Variants in PRKN observed in about 807,000 individuals in gnomAD.
PRKN encodes the protein E3 ubiquitin-protein ligase parkin.
PRKN carries 56 observed loss-of-function variants against 59.5 expected under a neutral mutation model. The observed-to-expected ratio is 0.94, with a 90% CI of 0.76 to 1.18. PRKN has a LOEUF of 1.18. PRKN is among the 50% of genes most tolerant of loss of function. The pLI is 0.00. For missense variants in PRKN, 657 were observed against 596.4 expected (o/e 1.10, Z -1.06); for synonymous variants, 250 against 222.1 (o/e 1.13, Z -1.12).
chr6:161,682,017 C>T (rs190117833), intron 7 of PRKN, among the ~76,000 whole-genome samples: 25 of 152,278 alleles, frequency 1.6e-4, no homozygotes, highest in Middle Eastern at 3.4e-3. Context: ...GAGTCAGGGA[C>T]GAGTGGCTGT....
intron 1 of PRKN, among the ~76,000 whole-genome samples, chr6:162,472,328 A>G (rs1436612780): frequency 6.7e-6 from 1 of 149,694 alleles, no homozygotes; most frequent in Admixed American, 6.7e-5. Flanking sequence ...TACATTAGGT[A>G]TATCTCCTAA....
At chr6:162,002,453 C>T (rs569425034) in intron 5 of PRKN, among the ~76,000 whole-genome samples, 8 of 152,074 alleles carry the variant, frequency 5.3e-5, no homozygotes, top group African/African-American at 1.4e-4. Flanking sequence ...CATAATATTC[C>T]TTTATAAGCC....
intron 5 of PRKN, among the ~76,000 whole-genome samples, chr6:162,023,651 A>G (rs535563142): frequency 2.4e-4 from 37 of 152,072 alleles, no homozygotes; most frequent in Non-Finnish European, 3.1e-4. Context: ...TCTGCCTGCT[A>G]GGGTATCGGG....
intron 4 of PRKN, among the ~76,000 whole-genome samples, chr6:162,155,381 T>G (rs1782467510): frequency 6.6e-6 from 1 of 152,172 alleles, no homozygotes; most frequent in Non-Finnish European, 1.5e-5. Context: ...ACAAGTTTAT[T>G]ACATCAAAAT....
At chr6:161,425,963 C>T (rs1224804034) in intron 9 of PRKN, among the ~76,000 whole-genome samples, 1 of 152,020 alleles carries the variant, frequency 6.6e-6, no homozygotes, top group East Asian at 1.9e-4. Flanking sequence ...TAATACCCAG[C>T]CTCAGTTCCA....
At chr6:162,359,073 A>AT (rs201385403) in intron 2 of PRKN, among the ~76,000 whole-genome samples, 8,853 of 87,876 alleles carry the variant, frequency 0.1, 267 homozygotes, top group African/African-American at 0.12. Context: ...AAAAAAAAAA[A>AT]AAAAAAATAT....
intron 4 of PRKN, among the ~76,000 whole-genome samples, chr6:162,058,885 G>C (rs1176397578): frequency 6.7e-6 from 1 of 149,432 alleles, no homozygotes; most frequent in Non-Finnish European, 1.5e-5. Context: ...CAGGGAGGCA[G>C]AGATTGCAGT....
chr6:161,952,352 T>G (rs554660508), intron 6 of PRKN, among the ~76,000 whole-genome samples: 2 of 152,286 alleles, frequency 1.3e-5, no homozygotes, highest in Admixed American at 1.3e-4. Flanking sequence ...GCGCCGTGGC[T>G]CATGCCTGTA....
rs1168443368 is a variant in PRKN at position 161,471,579 on chromosome 6, A to G, written c.1083+77275T>C. Among the ~76,000 whole-genome samples, 2 of 152,236 alleles carry G rather than the reference A, an allele frequency of 1.3e-5. No homozygotes were observed. Among genetic ancestry groups the G allele is most frequent in the Non-Finnish European group, 2.9e-5 (2 of 68,048 alleles). Reference sequence around the variant, plus strand: ...TAACAACTTGAAAATAGACCTTGACAGAATGATGACCTAATTTCTATATGC... The same window carrying G: ...TAACAACTTGAAAATAGACCTTGACGGAATGATGACCTAATTTCTATATGC... On this transcript the variant is annotated intron_variant, in intron 9 of 11. Transcript: ENST00000366898. The surrounding 1 kb of genome is among the most constrained non-coding windows in gnomAD (Gnocchi z 4.5).
rs1359966939 is a variant in PRKN, at chr6:161,593,297, G to A, written c.872-23881C>T. Among the ~76,000 whole-genome samples the A allele has an allele frequency of 6.6e-6, 1 of 152,204 alleles. No individual in the cohort carries two copies. The highest frequency in any genetic ancestry group is 1.5e-5 in the Non-Finnish European group (1 of 68,046). ...CGGGCTGCTTTGAGTGTGAGGGCAGGGCTATTGATATTTTCATTATCCCCA... is the reference window on the plus strand; with the variant it reads ...CGGGCTGCTTTGAGTGTGAGGGCAGAGCTATTGATATTTTCATTATCCCCA... On this transcript the variant is annotated intron_variant, in intron 7 of 11. Transcript: ENST00000366898. The surrounding 1 kb of genome is among the most constrained non-coding windows in gnomAD (Gnocchi z 4.8).
intron 3 of PRKN, among the ~76,000 whole-genome samples, chr6:162,217,682 A>G (rs1319211647): frequency 6.6e-6 from 1 of 152,116 alleles, no homozygotes; most frequent in African/African-American, 2.4e-5. Flanking sequence ...ATGAGCCACC[A>G]TGCCCAGTTT....
intron 4 of PRKN, among the ~76,000 whole-genome samples, chr6:162,134,896 A>G (rs1583081606): frequency 6.6e-6 from 1 of 152,182 alleles, no homozygotes; most frequent in East Asian, 1.9e-4. Flanking sequence ...TTTTTACACG[A>G]GAAAAAATCC....
intron 6 of PRKN, among the ~76,000 whole-genome samples, chr6:161,966,486 T>G (rs1213133549): frequency 6.6e-6 from 1 of 152,192 alleles, no homozygotes; most frequent in Non-Finnish European, 1.5e-5. Flanking sequence ...TTGGCTTACC[T>G]GTGCCATTTT....
At chr6:162,576,961 T>C (rs1263001721) in intron 1 of PRKN, among the ~76,000 whole-genome samples, 1 of 151,970 alleles carries the variant, frequency 6.6e-6, no homozygotes, top group African/African-American at 2.4e-5. Flanking sequence ...AAATGAAAAA[T>C]GGCAAAAATA....
intron 7 of PRKN, among the ~76,000 whole-genome samples, chr6:161,713,298 C>A (rs772632877): frequency 1.3e-5 from 2 of 152,250 alleles, no homozygotes; most frequent in African/African-American, 4.8e-5. Context: ...ACCCCAGAAG[C>A]TCATCAAATC....
At chr6:161,998,744 A>G (rs1252096678) in intron 5 of PRKN, among the ~76,000 whole-genome samples, 3 of 152,186 alleles carry the variant, frequency 2.0e-5, no homozygotes, top group African/African-American at 7.2e-5. Flanking sequence ...ATAGTGTAAG[A>G]GAAATCCAAT....
At chr6:162,105,101 A>C (rs1219335862) in intron 4 of PRKN, among the ~76,000 whole-genome samples, 3 of 152,210 alleles carry the variant, frequency 2.0e-5, no homozygotes, top group Non-Finnish European at 4.4e-5. Flanking sequence ...AACAGCCCAA[A>C]GGGTATGCAG....
At chr6:161,988,851 CAT>C (rs144330742) in intron 5 of PRKN, among the ~76,000 whole-genome samples, 1,940 of 152,292 alleles carry the variant, frequency 0.013, 39 homozygotes, top group African/African-American at 0.044. Flanking sequence ...ATTATTATAA[CAT>C]GTTTGGTAAG....
chr6:161,565,105 C>T (rs1290942195), intron 8 of PRKN, among the ~76,000 whole-genome samples: 1 of 152,138 alleles, frequency 6.6e-6, no homozygotes, highest in Non-Finnish European at 1.5e-5. Context: ...CATGGTCGGT[C>T]ATAATCACTC....
Sources: allele counts gnomAD v4.1 joint callset (sites outside exome capture counted in the v4.1 genomes callset), GRCh38; gene constraint gnomAD v4.1.1; non-coding constraint Gnocchi (gnomAD v3.1); transcripts MANE v1.5; gene names NCBI Gene and HGNC (gene_info 2026-07-23, HGNC 2026-07-21).